The following DDR2 variants were observed in gnomAD, a reference collection of about 807,000 sequenced individuals.
DDR2 encodes the protein discoidin domain receptor tyrosine kinase 2.
A neutral mutation model predicts 94.9 loss-of-function variants in DDR2; 27 were observed. The observed-to-expected ratio is 0.28, with a 90% CI of 0.21 to 0.39. DDR2 has a LOEUF of 0.39. Ranked by LOEUF, DDR2 falls within the 10% of genes least tolerant of loss-of-function variation. DDR2 has a pLI of 1.00. For missense variants in DDR2, 783 were observed against 1,076.0 expected (o/e 0.73, Z 3.81); for synonymous variants, 382 against 377.2 (o/e 1.01, Z -0.15).
chr1:162,651,978 G>A lies in DDR2; in HGVS notation c.-191-3233G>A, dbSNP rs373799713. 7.1e-4 allele frequency among the ~76,000 whole-genome samples: 108 copies of A among 152,276 alleles called. No homozygotes were observed. In the South Asian group the frequency reaches 0.022, roughly 31 times the overall value. On this transcript the variant is annotated intron_variant, in intron 1 of 17. Coordinates refer to ENST00000367921, the MANE Select transcript of DDR2 (RefSeq NM_006182.4). The stretch of plus-strand genomic sequence containing the variant: ...GAAATCTCACTATCTCCATGAAACC[G>A]ACTGGCTTCGCTACATCATGGGAAG...
chr1:162,753,336 G>T, intron 4 of DDR2, 139 bp downstream of exon 4: 1 of 761,914 alleles, frequency 1.3e-6, no homozygotes, highest in Non-Finnish European at 2.3e-6. Context: ...CAGCAAGTGG[G>T]CCTGTCCTGC....
chr1:162,714,859 A>G (rs992520205), intron 2 of DDR2, among the ~76,000 whole-genome samples: 2 of 152,322 alleles, frequency 1.3e-5, no homozygotes, highest in South Asian at 2.1e-4. Flanking sequence ...ATGAAGGCCA[A>G]TGGCTTGACC....
intron 3 of DDR2, among the ~76,000 whole-genome samples, chr1:162,751,385 T>A (rs575601590): frequency 3.3e-5 from 5 of 152,038 alleles, no homozygotes; most frequent in Admixed American, 2.6e-4. Flanking sequence ...AGCCAACAGA[T>A]ACATGAAAAA....
chr1:162,772,656 C>A (rs1272129758), intron 13 of DDR2, among the ~76,000 whole-genome samples: 1 of 152,038 alleles, frequency 6.6e-6, no homozygotes, highest in South Asian at 2.1e-4. Flanking sequence ...GTAAAATGGT[C>A]AAAAACAACC....
chr1:162,688,340 T>G (rs1659792465), intron 2 of DDR2, among the ~76,000 whole-genome samples: 1 of 152,254 alleles, frequency 6.6e-6, no homozygotes, highest in Admixed American at 6.5e-5. Flanking sequence ...TGCCTGCTAT[T>G]TTCTGGGTAA....
At chr1:162,746,539 TG>T (rs1191060874) in intron 3 of DDR2, among the ~76,000 whole-genome samples, 2 of 152,164 alleles carry the variant, frequency 1.3e-5, no homozygotes, top group Non-Finnish European at 2.9e-5. Context: ...GCCACCTCTG[TG>T]GGCAGGGCGT....
chr1:162,711,783 C>T (rs950103972), intron 2 of DDR2, among the ~76,000 whole-genome samples: 9 of 151,394 alleles, frequency 5.9e-5, no homozygotes, highest in African/African-American at 2.2e-4. Flanking sequence ...TATATATATA[C>T]ACACACATAC....
chr1:162,659,180 T>TAGGAA (rs1280603945), intron 2 of DDR2, among the ~76,000 whole-genome samples: 2 of 151,932 alleles, frequency 1.3e-5, no homozygotes, highest in Non-Finnish European at 2.9e-5. Flanking sequence ...CATGGGCTAA[T>TAGGAA]AGGAAAGGAA....
intron 2 of DDR2, among the ~76,000 whole-genome samples, chr1:162,672,392 C>T (rs1043731113): frequency 6.6e-6 from 1 of 152,052 alleles, no homozygotes; most frequent in African/African-American, 2.4e-5. Flanking sequence ...TGACTTTTTG[C>T]GTTTCTAACT....
At chr1:162,678,374 A>T (rs1205949862) in intron 2 of DDR2, among the ~76,000 whole-genome samples, 1 of 152,252 alleles carries the variant, frequency 6.6e-6, no homozygotes, top group Non-Finnish European at 1.5e-5. Context: ...TGCATGACGC[A>T]GAGTAAACAC....
intron 4 of DDR2, 149 bp downstream of exon 4, chr1:162,753,346 C>G: frequency 1.4e-6 from 1 of 734,676 alleles, no homozygotes; most frequent in South Asian, 1.5e-5. Flanking sequence ...GCCTGTCCTG[C>G]TCTGTATGTT....
intron 4 of DDR2, 59 bp downstream of exon 4, chr1:162,753,256 C>T (rs1279514604): frequency 1.3e-5 from 20 of 1,492,808 alleles, no homozygotes; most frequent in Non-Finnish European, 1.9e-5. Flanking sequence ...TTCCTGGGCA[C>T]AGATTCCTGA....
chr1:162,699,753 G>A (rs1048542191), intron 2 of DDR2, among the ~76,000 whole-genome samples: 1 of 152,102 alleles, frequency 6.6e-6, no homozygotes, highest in Admixed American at 6.5e-5. Flanking sequence ...TTCCGAATAT[G>A]CCATCAATTT....
chr1:162,711,740 T>C (rs1571228870), intron 2 of DDR2, among the ~76,000 whole-genome samples: 3 of 152,312 alleles, frequency 2.0e-5, no homozygotes, highest in East Asian at 3.9e-4. Flanking sequence ...AAGGTGTTTC[T>C]CTTCATATCT....
At chr1:162,732,421 G>A (rs947263553) in intron 3 of DDR2, among the ~76,000 whole-genome samples, 9 of 152,180 alleles carry the variant, frequency 5.9e-5, no homozygotes, top group Non-Finnish European at 1.3e-4. Flanking sequence ...GACCATGGTA[G>A]CCTAGGGTTG....
intron 1 of DDR2, among the ~76,000 whole-genome samples, chr1:162,643,943 G>C (rs908043131): frequency 6.6e-6 from 1 of 152,152 alleles, no homozygotes; most frequent in Middle Eastern, 3.2e-3. Flanking sequence ...GGCACATTCA[G>C]AATGGCTCCA....
intron 9 of DDR2, 50 bp downstream of exon 9, chr1:162,761,504 G>T (rs778442321): frequency 1.4e-5 from 22 of 1,613,648 alleles, no homozygotes; most frequent in Non-Finnish European, 1.9e-5. Flanking sequence ...TGATGAAGGA[G>T]GAATGCACAT....
At chr1:162,674,005 A>G (rs1296701670) in intron 2 of DDR2, among the ~76,000 whole-genome samples, 2 of 151,942 alleles carry the variant, frequency 1.3e-5, no homozygotes, top group Non-Finnish European at 2.9e-5. Flanking sequence ...TTGTCCCTCC[A>G]ATTTATATCT....
chr1:162,643,634 C>A (rs1437318925), intron 1 of DDR2, among the ~76,000 whole-genome samples: 2 of 152,154 alleles, frequency 1.3e-5, no homozygotes, highest in Non-Finnish European at 2.9e-5. Flanking sequence ...GCACCCACCA[C>A]CATGCCCAGC....
Sources: allele counts gnomAD v4.1 joint callset (sites outside exome capture counted in the v4.1 genomes callset), GRCh38; gene constraint gnomAD v4.1.1; transcripts MANE v1.5; gene names NCBI Gene and HGNC (gene_info 2026-07-23, HGNC 2026-07-21).